ABCA9: variants seen among roughly 807,000 people sequenced by gnomAD.
ABCA9 encodes the protein ATP binding cassette subfamily A member 9, also known as ATP-binding cassette sub-family A member 9.
A neutral mutation model predicts 205.3 loss-of-function variants in ABCA9; 183 were observed. The ratio of observed to expected loss-of-function variants is 0.89; its 90% CI spans 0.79 to 1.01. ABCA9 has a LOEUF of 1.01. Among genes scored for constraint, ABCA9 ranks in the 50% least tolerant of loss-of-function variants. The probability of loss-of-function intolerance (pLI) is 0.00; values close to 1 mark genes in which losing one functional copy is unlikely to be tolerated. For missense variants in ABCA9, 1,805 were observed against 1,912.4 expected (o/e 0.94, Z 1.05); for synonymous variants, 651 against 683.3 (o/e 0.95, Z 0.74).
In ABCA9 at chr17:69,027,026, C is replaced by T; in HGVS notation, c.2000G>A (p.Arg667Lys). ...WNLLKEGKSDRVILFSTQFID... is the reference protein window; with the variant it reads ...WNLLKEGKSDKVILFSTQFID... ...AAACTGGGTGCTGAAGAGAATTACT[C>T]TGTCTGATTTCCCCTCTTTCAGGAG... The change falls in exon 15 of 39, where the codon AGA becomes AAA. Residue 667 changes from arginine (R) to lysine (K), a missense_variant. By Grantham distance (26) the Arg-to-Lys change is conservative. Transcript: ENST00000340001. The T allele has an allele frequency of 6.2e-7, 1 of 1,614,122 alleles. No individual in the cohort carries two copies. Among genetic ancestry groups the T allele is most frequent in the Non-Finnish European group, 8.5e-7 (1 of 1,179,992 alleles).
intron 1 of ABCA9, among the ~76,000 whole-genome samples, chr17:69,060,593 C>T (rs889731215): frequency 3.3e-5 from 5 of 150,364 alleles, no homozygotes; most frequent in Admixed American, 2.0e-4. Context: ...AGCAACATAA[C>T]GTGACATTTC....
chr17:69,043,516 A>G lies in ABCA9; in HGVS notation c.773T>C (p.Met258Thr), dbSNP rs1005097705. ...ERQYITSLMT[M>T]MGLRESAFWL... ...GAATGCTGACTCTCGGAGTCCCATC[A>G]TTGTCATCAATGACGTAATGTATTG... The change falls in exon 6 of 39, where the codon ATG becomes ACG. Residue 258 changes from methionine to threonine, a missense_variant. Met to Thr is a moderately conservative substitution (Grantham distance 81). Coordinates refer to ENST00000340001, the MANE Select transcript of ABCA9 (RefSeq NM_080283.4). 2 of 1,604,356 alleles carry G rather than the reference A, an allele frequency of 1.2e-6. No individual in the cohort carries two copies. The highest frequency in any genetic ancestry group is 8.5e-7 in the Non-Finnish European group (1 of 1,175,038).
chr17:69,005,981 T>A (rs1390320278), intron 25 of ABCA9, among the ~76,000 whole-genome samples: 1 of 152,240 alleles, frequency 6.6e-6, no homozygotes, highest in Non-Finnish European at 1.5e-5. Context: ...CCATTTCTAA[T>A]TTCCTCATTT....
Position 69,060,888 on chromosome 17 carries a change from A to C in ABCA9, c.-36T>G. On this transcript the variant is annotated 5_prime_UTR_variant, in exon 1 of 39. Coordinates refer to ENST00000340001, the MANE Select transcript of ABCA9 (RefSeq NM_080283.4). ...TACTCTCAGGAAAGCTGGAGGAAAA[A>C]TCTAGAAACACAGTTCATCCATGGG... The C allele has an allele frequency of 2.0e-6, 2 of 985,452 alleles. No homozygotes were observed. The highest frequency in any genetic ancestry group is 2.4e-6 in the Non-Finnish European group (2 of 829,942). The allele number at this position is 985,452 out of a possible 1,614,324, so 61.0% of individuals were successfully genotyped here. A position where few individuals can be genotyped will look rare whatever the true frequency, so the allele number is the denominator to read the frequency against.
chr17:69,060,633 A>C (rs566256249), intron 1 of ABCA9, among the ~76,000 whole-genome samples: 6 of 152,216 alleles, frequency 3.9e-5, no homozygotes, highest in Non-Finnish European at 7.4e-5. Flanking sequence ...CTATTAGATA[A>C]TGTATGCTAT....
chr17:69,038,686 T>A (rs2071427712), intron 6 of ABCA9, among the ~76,000 whole-genome samples: 1 of 152,160 alleles, frequency 6.6e-6, no homozygotes, highest in Non-Finnish European at 1.5e-5. Flanking sequence ...TCACCACTCC[T>A]ATTCAACATA....
At chr17:69,058,895 T>C (rs941401586) in intron 1 of ABCA9, among the ~76,000 whole-genome samples, 1 of 151,208 alleles carries the variant, frequency 6.6e-6, no homozygotes, top group South Asian at 2.1e-4. Flanking sequence ...GAGGTTTAAC[T>C]GACTCACAGT....
At chr17:68,983,584 A>T in intron 36 of ABCA9, 125 bp downstream of exon 36, 2 of 1,330,256 alleles carry the variant, frequency 1.5e-6, no homozygotes, top group African/African-American at 1.5e-5. Flanking sequence ...AATTTCTCTT[A>T]AGTAAAGTAC....
chr17:69,010,186 A>AG (rs1054263419), intron 23 of ABCA9, among the ~76,000 whole-genome samples: 4 of 152,012 alleles, frequency 2.6e-5, no homozygotes, highest in Non-Finnish European at 5.9e-5. Flanking sequence ...AAAAAAAAAA[A>AG]AAAGCAAAGG....
In ABCA9 at chr17:69,049,494, TA is replaced by T. The variant is rs745787561; in HGVS notation, c.97-5del. 2 of 1,600,124 alleles carry T rather than the reference TA, an allele frequency of 1.2e-6. No homozygotes were observed. Among genetic ancestry groups the T allele is most frequent in the Admixed American group, 3.4e-5 (2 of 58,664 alleles). ...GAAGAAATGAAAAGAGCCATTCCTA[TA>T]TAGCAATAAGAGAAAAAGGAAACAA... On this transcript the variant is annotated splice_polypyrimidine_tract_variant and splice_region_variant and intron_variant, in intron 2 of 38. Coordinates refer to ENST00000340001, the MANE Select transcript of ABCA9 (RefSeq NM_080283.4).
chr17:68,983,905 T>C, intron 35 of ABCA9, 56 bp from the exon 36 acceptor site: 1 of 1,611,390 alleles, frequency 6.2e-7, no homozygotes, highest in Non-Finnish European at 8.5e-7. Context: ...GTATGGCTTG[T>C]GATGTTCAGC....
At chr17:69,032,392 C>CTTTTTTTTCT in intron 9 of ABCA9, 116 bp from the exon 10 acceptor site, 1 of 929,690 alleles carries the variant, frequency 1.1e-6, no homozygotes, top group Non-Finnish European at 1.6e-6. Flanking sequence ...ATATTAAGGT[C>CTTTTTTTTCT]TGTATTAATT....
At chr17:68,999,176 G>T (rs1023491791) in intron 25 of ABCA9, among the ~76,000 whole-genome samples, 8 of 149,638 alleles carry the variant, frequency 5.3e-5, no homozygotes, top group African/African-American at 2.0e-4. Flanking sequence ...TGCACATTGT[G>T]CAGGTTAGTT....
At chr17:69,029,017 G>A (rs2071079828) in intron 11 of ABCA9, 152 bp downstream of exon 11, 1 of 450,194 alleles carries the variant, frequency 2.2e-6, no homozygotes, top group Non-Finnish European at 3.9e-6. Flanking sequence ...ATTGTTTTAT[G>A]GGTTTTTTTT....
intron 9 of ABCA9, 151 bp from the exon 10 acceptor site, chr17:69,032,427 A>C: frequency 4.4e-6 from 3 of 685,028 alleles, no homozygotes; most frequent in Non-Finnish European, 7.0e-6. Context: ...CTTTTGACAC[A>C]CACAGAACAG....
At chr17:69,062,140 A>T, upstream of ABCA9, among the ~76,000 whole-genome samples, 1 of 139,254 alleles carries the variant, frequency 7.2e-6, no homozygotes, top group Non-Finnish European at 1.6e-5. Flanking sequence ...TGTCAAACTT[A>T]AAAAAAAAAA....
intron 1 of ABCA9, among the ~76,000 whole-genome samples, chr17:69,057,360 G>A (rs1009611202): frequency 6.6e-6 from 1 of 152,190 alleles, no homozygotes; most frequent in Admixed American, 6.5e-5. Context: ...ACCCATGCCT[G>A]CCTGCTTATG....
chr17:69,033,865 A>C lies in ABCA9; in HGVS notation c.1137T>G (p.His379Gln), dbSNP rs777030715. The change falls in exon 9 of 39, where the codon CAT becomes CAG. Residue 379 changes from histidine (H) to glutamine (Q), a missense_variant. Coordinates refer to ENST00000340001, the MANE Select transcript of ABCA9 (RefSeq NM_080283.4). ...AFTVGMAQLI[H>Q]LDYDVNSNAH... Reference sequence around the variant, plus strand: ...CATTAGAATTCACATCATAGTCCAAATGTATAAGCTGAAAAAGAAAGATAC... The same window carrying C: ...CATTAGAATTCACATCATAGTCCAACTGTATAAGCTGAAAAAGAAAGATAC... 3.1e-6 allele frequency: 5 copies of C among 1,590,752 alleles called. No individual in the cohort carries two copies. In the African/African-American group the frequency reaches 6.8e-5, roughly 21 times the overall value.
rs2069990766 is a variant in ABCA9 at position 69,003,878 on chromosome 17, T to A, written c.3435+3881A>T. Reference sequence around the variant, plus strand: ...TTCATTTCATTCATTTCATCTTCCATCGCTGATACCCTTTCTTCCAGTTGA... The same window carrying A: ...TTCATTTCATTCATTTCATCTTCCAACGCTGATACCCTTTCTTCCAGTTGA... On this transcript the variant is annotated intron_variant, in intron 25 of 38. Coordinates refer to ENST00000340001, the MANE Select transcript of ABCA9 (RefSeq NM_080283.4). Among the ~76,000 whole-genome samples the A allele has an allele frequency of 2.0e-5, 3 of 152,214 alleles. No individual in the cohort carries two copies. The South Asian group carries it at 6.2e-4, about 32-fold the overall frequency.
Sources: allele counts gnomAD v4.1 joint callset (sites outside exome capture counted in the v4.1 genomes callset), GRCh38; gene constraint gnomAD v4.1.1; transcripts MANE v1.5; gene names NCBI Gene and HGNC (gene_info 2026-07-23, HGNC 2026-07-21).